WDFY3: variants seen among roughly 807,000 people sequenced by gnomAD.
WDFY3 encodes the protein WD repeat and FYVE domain-containing protein 3.
In WDFY3, 66 loss-of-function variants were observed where a neutral mutation model predicts 409.6. The observed-to-expected ratio is 0.16, with a 90% confidence interval of 0.13 to 0.20. The LOEUF is 0.20. Ranked by LOEUF, WDFY3 falls within the 10% of genes least tolerant of loss-of-function variation. The probability of loss-of-function intolerance (pLI) is 1.00; values close to 1 mark genes in which losing one functional copy is unlikely to be tolerated. For synonymous variants in WDFY3, 1,521 were observed against 1,537.1 expected, an observed-to-expected ratio of 0.99 and a Z score of 0.25; for missense variants, 3,031 against 4,298.1, an observed-to-expected ratio of 0.71 and a Z score of 8.24.
rs1750530422 is a variant in WDFY3, at chr4:84,801,370, T to C, written c.2822+280A>G. Among the ~76,000 whole-genome samples, 4 of 152,232 alleles carry C rather than the reference T, an allele frequency of 2.6e-5. No individual in the cohort carries two copies. The South Asian group carries it at 8.3e-4, about 31-fold the overall frequency. On this transcript the variant is annotated intron_variant, in intron 17 of 67. Transcript: ENST00000295888. Reference sequence around the variant, plus strand: ...AAACTTCTTACATATGAAAAGTTATTAAATATAAAGTAAACGCATGACTTC... The same window carrying C: ...AAACTTCTTACATATGAAAAGTTATCAAATATAAAGTAAACGCATGACTTC...
At chr4:84,829,843 A>AAATAAATAAATAAATG (rs1755431545) in intron 8 of WDFY3, among the ~76,000 whole-genome samples, 2 of 150,392 alleles carry the variant, frequency 1.3e-5, no homozygotes, top group South Asian at 4.2e-4. Context: ...ATAAATAAAT[A>AAATAAATAAATAAATG]AATAAATTAG....
At chr4:84,842,275 G>A (rs931546303) in intron 5 of WDFY3, among the ~76,000 whole-genome samples, 3 of 151,978 alleles carry the variant, frequency 2.0e-5, no homozygotes, top group African/African-American at 2.4e-5. Context: ...TCAGGAGTTC[G>A]AGACCAGCCT....
At chr4:84,750,703 A>G (rs1740376689) in intron 36 of WDFY3, among the ~76,000 whole-genome samples, 1 of 152,230 alleles carries the variant, frequency 6.6e-6, no homozygotes, top group Non-Finnish European at 1.5e-5. Flanking sequence ...AGACTTTTCT[A>G]GGTAAACATT....
intron 67 of WDFY3, 28 bp from the exon 68 acceptor site, chr4:84,673,019 A>T: frequency 6.2e-7 from 1 of 1,613,280 alleles, no homozygotes; most frequent in South Asian, 1.1e-5. Flanking sequence ...TCAATTAATT[A>T]TAGGTCTTCT....
chr4:84,780,414 G>C, intron 25 of WDFY3, 116 bp from the exon 26 acceptor site: 1 of 1,090,778 alleles, frequency 9.2e-7, no homozygotes, highest in Non-Finnish European at 1.3e-6. Flanking sequence ...AATATCTTCT[G>C]TCTATAATGC....
chr4:84,781,292 C>T (rs1746458026), intron 25 of WDFY3, among the ~76,000 whole-genome samples: 1 of 151,392 alleles, frequency 6.6e-6, no homozygotes, highest in African/African-American at 2.4e-5. Flanking sequence ...CACTTGCCTG[C>T]TGACCAAGAC....
chr4:84,923,564 C>T (rs573328506), intron 2 of WDFY3, among the ~76,000 whole-genome samples: 1 of 152,116 alleles, frequency 6.6e-6, no homozygotes. Context: ...ATTCTTGGGC[C>T]CAACTATTAC....
At chr4:84,920,643 C>T (rs191581665) in intron 2 of WDFY3, among the ~76,000 whole-genome samples, 4 of 152,252 alleles carry the variant, frequency 2.6e-5, no homozygotes, top group South Asian at 2.1e-4. Context: ...GGAACTAACA[C>T]ATTATTTTTC....
intron 32 of WDFY3, among the ~76,000 whole-genome samples, chr4:84,762,544 C>T (rs1326903119): frequency 6.6e-6 from 1 of 151,474 alleles, no homozygotes; most frequent in Non-Finnish European, 1.5e-5. Context: ...AGCACACCAG[C>T]ATGTCACATG....
At chr4:84,737,600 C>T (rs1737671499) in intron 40 of WDFY3, among the ~76,000 whole-genome samples, 1 of 151,852 alleles carries the variant, frequency 6.6e-6, no homozygotes, top group Non-Finnish European at 1.5e-5. Context: ...TACAAAAGAA[C>T]ATTTTTATTT....
rs948634538 is a variant in WDFY3, at chr4:84,791,307, CAT to C, written c.3488-1402_3488-1401del. Among the ~76,000 whole-genome samples, 15 of 152,284 alleles carry C rather than the reference CAT, an allele frequency of 9.9e-5. 1 individual carries two copies. Among genetic ancestry groups the C allele is most frequent in the Admixed American group, 9.8e-4 (15 of 15,294 alleles). On this transcript the variant is annotated intron_variant, in intron 21 of 67. Coordinates refer to ENST00000295888, the MANE Select transcript of WDFY3 (RefSeq NM_014991.6). ...AATGAAATAGCCAGTCATAGAAAGA[CAT>C]ATACTGCGTGACTCCACTTATATGA...
At chr4:84,862,713 C>T (rs1006531673) in intron 3 of WDFY3, among the ~76,000 whole-genome samples, 11 of 152,084 alleles carry the variant, frequency 7.2e-5, no homozygotes, top group African/African-American at 2.2e-4. Flanking sequence ...TTCTGCTGGG[C>T]GCGGCGGCTG....
intron 61 of WDFY3, 116 bp from the exon 62 acceptor site, chr4:84,688,381 T>G: frequency 9.6e-7 from 1 of 1,038,520 alleles, no homozygotes; most frequent in East Asian, 2.7e-5. Flanking sequence ...AGGTAGTAGG[T>G]GACTTGAGCA....
rs764292766 is a variant in WDFY3 at position 84,829,079 on chromosome 4, C to T, written c.881G>A (p.Ser294Asn). Residue 294 changes from serine to asparagine, a missense_variant, in exon 9 of 68, where the codon AGC becomes AAC. Around this residue, in one of 16 missense-constraint regions of WDFY3, gnomAD observed 1,322 missense variants for 1,697.9 expected, o/e 0.78. Coordinates refer to ENST00000295888, the MANE Select transcript of WDFY3 (RefSeq NM_014991.6). ...ATCCAGAAGTGTTTGGGAAACATCGCTGGAATCTTTGAGGAAACAAGAAAG... is the reference window on the plus strand; with the variant it reads ...ATCCAGAAGTGTTTGGGAAACATCGTTGGAATCTTTGAGGAAACAAGAAAG... ...AGLSCFLKDSSDVSQTLLDDF... is the reference protein window; with the variant it reads ...AGLSCFLKDSNDVSQTLLDDF... 10 of 1,613,642 alleles carry T rather than the reference C, an allele frequency of 6.2e-6. No individual in the cohort carries two copies. The East Asian group carries it at 1.1e-4, about 18-fold the overall frequency.
At chr4:84,807,906 T>C (rs113794006) in intron 15 of WDFY3, among the ~76,000 whole-genome samples, 8 of 152,148 alleles carry the variant, frequency 5.3e-5, no homozygotes, top group African/African-American at 1.9e-4. Flanking sequence ...TGAAATTCAT[T>C]TTGGAATAAC....
intron 1 of WDFY3, among the ~76,000 whole-genome samples, chr4:84,953,390 C>A (rs910568680): frequency 6.6e-6 from 1 of 151,994 alleles, no homozygotes; most frequent in Non-Finnish European, 1.5e-5. Flanking sequence ...GTATTGTATT[C>A]AGGATTTTTG....
chr4:84,911,604 T>C (rs1260519299), intron 2 of WDFY3, among the ~76,000 whole-genome samples: 1 of 152,212 alleles, frequency 6.6e-6, no homozygotes, highest in Non-Finnish European at 1.5e-5. Context: ...CAGTTATATG[T>C]GAATTTTCTC....
chr4:84,789,755 T>C lies in WDFY3; in HGVS notation c.3640A>G (p.Ile1214Val), dbSNP rs981708502. 4.3e-6 allele frequency: 7 copies of C among 1,613,934 alleles called. No homozygotes were observed. The highest frequency in any genetic ancestry group is 5.9e-6 in the Non-Finnish European group (7 of 1,179,994). The change falls in exon 22 of 68, where the codon ATT becomes GTT. Residue 1214 changes from isoleucine (I) to valine (V), a missense_variant. Ile to Val is a conservative substitution (Grantham distance 29). Coordinates refer to ENST00000295888, the MANE Select transcript of WDFY3 (RefSeq NM_014991.6). ...MLKNSTAALY[I>V]DGQLVNTVKL... ...ACAGTGTTAACAAGCTGTCCATCAA[T>C]ATAAAGGGCTGCAGTACTGTTTTTC...
chr4:84,732,043 G>C (rs775408608), intron 44 of WDFY3, among the ~76,000 whole-genome samples: 10 of 152,182 alleles, frequency 6.6e-5, no homozygotes, highest in Non-Finnish European at 1.5e-4. Flanking sequence ...ATAAAAGTAA[G>C]TGCTAGTAAC....
Sources: allele counts gnomAD v4.1 joint callset (sites outside exome capture counted in the v4.1 genomes callset), GRCh38; gene constraint gnomAD v4.1.1; regional missense constraint gnomAD v4.1.1; transcripts MANE v1.5; gene names NCBI Gene and HGNC (gene_info 2026-07-23, HGNC 2026-07-21).